The following SNX30 variants were observed in gnomAD, a reference collection of about 807,000 sequenced individuals.
SNX30 encodes the protein sorting nexin family member 30, also known as sorting nexin-30.
Under a neutral mutation model 46.4 loss-of-function variants are expected in SNX30, and 24 were observed. The observed-to-expected ratio is 0.52, with a 90% CI of 0.37 to 0.73. SNX30 has a LOEUF of 0.73. Ranked by LOEUF, SNX30 falls within the 30% of genes least tolerant of loss-of-function variation. The pLI is 0.00. For missense variants in SNX30, 533 were observed against 555.7 expected, an observed-to-expected ratio of 0.96 and a Z score of 0.41; for synonymous variants, 189 against 211.5, an observed-to-expected ratio of 0.89 and a Z score of 0.92.
At chr9:112,794,486 C>T (rs1026312244) in intron 1 of SNX30, among the ~76,000 whole-genome samples, 1 of 152,028 alleles carries the variant, frequency 6.6e-6, no homozygotes, top group Non-Finnish European at 1.5e-5. Context: ...GTACCTGGCA[C>T]GAGGGGGGTA....
intron 1 of SNX30, among the ~76,000 whole-genome samples, chr9:112,774,560 G>A (rs1436357905): frequency 6.6e-6 from 1 of 152,174 alleles, no homozygotes; most frequent in African/African-American, 2.4e-5. Context: ...AAATATCTAA[G>A]AGTCAAGTTA....
chr9:112,865,661 A>ATATATATAATGTGTG, intron 8 of SNX30, among the ~76,000 whole-genome samples: 3 of 105,700 alleles, frequency 2.8e-5, no homozygotes, highest in African/African-American at 1.1e-4. Context: ...ATATATATAT[A>ATATATATAATGTGTG]TGTATGTATG....
intron 7 of SNX30, among the ~76,000 whole-genome samples, chr9:112,854,181 A>G (rs1841081966): frequency 6.6e-6 from 1 of 152,202 alleles, no homozygotes; most frequent in Admixed American, 6.5e-5. Flanking sequence ...TTAAGTCTTA[A>G]CCCTGCCTGG....
intron 2 of SNX30, 133 bp from the exon 3 acceptor site, chr9:112,817,572 A>G: frequency 3.2e-6 from 2 of 624,440 alleles, no homozygotes; most frequent in Non-Finnish European, 5.8e-6. Context: ...AAACTCTGCC[A>G]TTTGGCTGTT....
chr9:112,851,440 G>A (rs1588138400), intron 7 of SNX30, among the ~76,000 whole-genome samples: 1 of 152,210 alleles, frequency 6.6e-6, no homozygotes, highest in Admixed American at 6.5e-5. Context: ...AGCAAGCTGC[G>A]TGCTGGTTCT....
chr9:112,806,460 A>G (rs1318490673), intron 2 of SNX30, among the ~76,000 whole-genome samples: 1 of 151,966 alleles, frequency 6.6e-6, no homozygotes. Flanking sequence ...GTCTTTATGG[A>G]AGGCATTAAG....
chr9:112,828,524 A>G (rs1840611915), intron 3 of SNX30, among the ~76,000 whole-genome samples: 1 of 152,130 alleles, frequency 6.6e-6, no homozygotes, highest in Admixed American at 6.6e-5. Context: ...TATAAAGTTA[A>G]ACAAGCTCAA....
At chr9:112,757,715 C>T (rs1200382667) in intron 1 of SNX30, among the ~76,000 whole-genome samples, 1 of 152,168 alleles carries the variant, frequency 6.6e-6, no homozygotes, top group Non-Finnish European at 1.5e-5. Flanking sequence ...ACTGACTATA[C>T]CTGTTCTGTT....
intron 5 of SNX30, among the ~76,000 whole-genome samples, chr9:112,880,740 G>C (rs1169320767): frequency 6.6e-6 from 1 of 152,182 alleles, no homozygotes; most frequent in African/African-American, 2.4e-5. Context: ...CAAAGGGTGT[G>C]CCTTTTCCTC....
At chr9:112,830,676 T>C in intron 3 of SNX30, 49 bp from the exon 4 acceptor site, 1 of 1,568,562 alleles carries the variant, frequency 6.4e-7, no homozygotes, top group Non-Finnish European at 8.6e-7. Flanking sequence ...TTGTTTTTCC[T>C]TGCACCATCT....
chr9:112,783,062 G>C (rs1163455415), intron 1 of SNX30, among the ~76,000 whole-genome samples: 1 of 152,206 alleles, frequency 6.6e-6, no homozygotes, highest in East Asian at 1.9e-4. Flanking sequence ...GGTGGTTCAG[G>C]AGTTTCATTG....
intron 2 of SNX30, 45 bp downstream of exon 2, chr9:112,805,012 G>A (rs760118182): frequency 1.1e-5 from 16 of 1,476,968 alleles, no homozygotes; most frequent in Non-Finnish European, 1.4e-5. Context: ...TGGTCTCGGG[G>A]AATTGGGGTC....
intron 6 of SNX30, among the ~76,000 whole-genome samples, chr9:112,848,692 A>T (rs555878573): frequency 2.0e-5 from 3 of 152,372 alleles, no homozygotes; most frequent in African/African-American, 7.2e-5. Flanking sequence ...AGAGGGCAGC[A>T]TTCTGGCCAC....
intron 5 of SNX30, among the ~76,000 whole-genome samples, chr9:112,837,210 AT>A (rs371534570): frequency 2.3e-4 from 34 of 149,824 alleles, no homozygotes; most frequent in African/African-American, 3.9e-4. Flanking sequence ...AAAAATCAAC[AT>A]TTTTTTTTTC....
At chr9:112,843,657 C>T (rs796777368) in intron 6 of SNX30, among the ~76,000 whole-genome samples, 37 of 120,184 alleles carry the variant, frequency 3.1e-4, no homozygotes, top group African/African-American at 9.8e-4. Context: ...GACAGAGTCT[C>T]ACTCTGTTGC....
intron 8 of SNX30, 116 bp downstream of exon 8, chr9:112,864,515 T>G (rs1454332739): frequency 7.3e-7 from 1 of 1,375,112 alleles, no homozygotes; most frequent in Non-Finnish European, 1.0e-6. Context: ...TTATTTTAGC[T>G]GCTTAGTCTT....
At chr9:112,755,488 G>A (rs1464629806) in intron 1 of SNX30, among the ~76,000 whole-genome samples, 1 of 152,062 alleles carries the variant, frequency 6.6e-6, no homozygotes, top group Non-Finnish European at 1.5e-5. Flanking sequence ...TAGGGCCATG[G>A]GGTGGGAAGT....
intron 8 of SNX30, 87 bp downstream of exon 8, chr9:112,864,486 C>A (rs559184455): frequency 2.6e-6 from 4 of 1,518,300 alleles, no homozygotes; most frequent in Non-Finnish European, 2.7e-6. Context: ...GGGAATCCTG[C>A]TAGTCTCATC....
chr9:112,844,019 T>C (rs931448082), intron 6 of SNX30, among the ~76,000 whole-genome samples: 1 of 152,122 alleles, frequency 6.6e-6, no homozygotes, highest in Non-Finnish European at 1.5e-5. Flanking sequence ...TGCTACAGTA[T>C]GGAGACTAGA....
Sources: gnomAD v4.1 joint callset for allele counts (sites outside exome capture counted in the v4.1 genomes callset) on GRCh38, gnomAD v4.1.1 for gene constraint, MANE v1.5 for transcripts, NCBI Gene and HGNC (gene_info 2026-07-23, HGNC 2026-07-21) for gene names.